Variants in MYLK4 observed in about 807,000 individuals in gnomAD.
MYLK4 encodes the protein caMLCK like.
Under a neutral mutation model 48.1 loss-of-function variants are expected in MYLK4, and 46 were observed. That is an observed-to-expected ratio of 0.96 (90% confidence interval 0.75 to 1.22). MYLK4 has a LOEUF of 1.22. Ranked by LOEUF, MYLK4 falls within the 50% of genes most tolerant of loss-of-function variation. The pLI is 0.00. For synonymous variants in MYLK4, 170 were observed against 180.8 expected (o/e 0.94, Z 0.48); for missense variants, 451 against 486.1 (o/e 0.93, Z 0.68).
At chr6:2,743,754 TTAC>T (rs556264653) in intron 2 of MYLK4, 321 of 394,846 alleles carry the variant, frequency 8.1e-4, no homozygotes, top group African/African-American at 6.1e-3. Context: ...GCCACTATTA[TTAC>T]CTCAACTGCC....
chr6:2,755,767 T>C (rs1042197708), upstream of MYLK4, among the ~76,000 whole-genome samples: 3 of 152,192 alleles, frequency 2.0e-5, no homozygotes, highest in Admixed American at 6.5e-5. Flanking sequence ...TAATCCTTCA[T>C]GACATTGATA....
intron 7 of MYLK4, 144 bp from the exon 8 acceptor site, chr6:2,680,435 T>G (rs1356148700): frequency 1.1e-5 from 16 of 1,507,166 alleles, no homozygotes; most frequent in African/African-American, 1.4e-5. Context: ...GTGTGGGTAC[T>G]TTCTCCTTTA....
chr6:2,765,206 C>CCCCCCCCCCCCCCCCCCCCCCCCCCG, the MYLK4 span, among the ~76,000 whole-genome samples: 1 of 86,184 alleles, frequency 1.2e-5, no homozygotes, highest in African/African-American at 3.1e-5. Context: ...CCCTCCCCCG[C>CCCCCCCCCCCCCCCCCCCCCCCCCCG]CCCCGCAAAG....
At chr6:2,763,450 T>C in the MYLK4 span, among the ~76,000 whole-genome samples, 22 of 152,196 alleles carry the variant, frequency 1.4e-4, 1 homozygote, top group Middle Eastern at 6.3e-3. Context: ...GGCTCAGGCA[T>C]GGCAGGCCTG....
At chr6:2,760,310 G>A in the MYLK4 span, among the ~76,000 whole-genome samples, 2 of 152,202 alleles carry the variant, frequency 1.3e-5, no homozygotes, top group Admixed American at 1.3e-4. Flanking sequence ...AGGGGCAGGA[G>A]GGTCCCAGAC....
At chr6:2,705,760 T>C (rs924329403) in intron 2 of MYLK4, among the ~76,000 whole-genome samples, 2 of 152,196 alleles carry the variant, frequency 1.3e-5, no homozygotes, top group Non-Finnish European at 2.9e-5. Context: ...ATTACGGGAA[T>C]GGAAGGAGTT....
intron 10 of MYLK4, 138 bp downstream of exon 10, chr6:2,678,082 C>G: frequency 9.0e-7 from 1 of 1,110,628 alleles, no homozygotes; most frequent in South Asian, 1.6e-5. Flanking sequence ...GGTCAAGAGG[C>G]TCAAACCTCA....
At chr6:2,759,191 C>T in the MYLK4 span, among the ~76,000 whole-genome samples, 1 of 152,228 alleles carries the variant, frequency 6.6e-6, no homozygotes, top group Non-Finnish European at 1.5e-5. Flanking sequence ...TTATAGCTCA[C>T]TGTGGCCTTG....
intron 8 of MYLK4, chr6:2,679,620 C>A: frequency 1.5e-6 from 1 of 666,420 alleles, no homozygotes; most frequent in South Asian, 1.7e-5. Flanking sequence ...ACTAGGAAAC[C>A]TTAAAAGCTG....
intron 2 of MYLK4, among the ~76,000 whole-genome samples, chr6:2,705,501 T>G (rs12386538): frequency 0.032 from 4,932 of 152,306 alleles, 273 homozygotes; most frequent in African/African-American, 0.11. Context: ...TCCATGGCAA[T>G]GAGCCTGTGT....
At position 2,714,002 on chromosome 6, in the gene MYLK4, G is replaced by A. The variant is rs547554078; in HGVS notation, c.160-21143C>T. Among the ~76,000 whole-genome samples the A allele has an allele frequency of 4.5e-4, 68 of 152,316 alleles. 1 individual carries two copies. Among genetic ancestry groups the A allele is most frequent in the African/African-American group, 1.6e-3 (68 of 41,568 alleles). Reference sequence around the variant, plus strand: ...TCTACTGACAAAGAAAATAGCAAGCGTTGGCAAGGATGTGGAAAAATGGGA... The same window carrying A: ...TCTACTGACAAAGAAAATAGCAAGCATTGGCAAGGATGTGGAAAAATGGGA... On this transcript the variant is annotated intron_variant, in intron 2 of 12. Coordinates refer to ENST00000274643, the MANE Select transcript of MYLK4 (RefSeq NM_001012418.5).
At position 2,678,829 on chromosome 6, in the gene MYLK4, G is replaced by A. The variant is rs140742622; in HGVS notation, c.887+451C>T. 4.7e-3 allele frequency among the ~76,000 whole-genome samples: 702 copies of A among 150,178 alleles called. 4 individuals carry two copies. Among genetic ancestry groups the A allele is most frequent in the African/African-American group, 0.016 (657 of 40,862 alleles). On this transcript the variant is annotated intron_variant, in intron 9 of 12. Transcript: ENST00000274643. ...GGAAGCAATTCTCCTGCAGCCTCCC[G>A]AGTAGCTGGGATTACAGGTGCATGC...
chr6:2,674,087 T>C (rs1760996839), intron 11 of MYLK4, among the ~76,000 whole-genome samples: 1 of 152,162 alleles, frequency 6.6e-6, no homozygotes. Flanking sequence ...GATGGACATA[T>C]GGATCTGCAG....
At chr6:2,728,265 G>A (rs1022527840) in intron 2 of MYLK4, among the ~76,000 whole-genome samples, 1 of 152,186 alleles carries the variant, frequency 6.6e-6, no homozygotes, top group African/African-American at 2.4e-5. Flanking sequence ...TTTGTCTTTA[G>A]GTGTTTTTCG....
the MYLK4 span, among the ~76,000 whole-genome samples, chr6:2,766,932 CTGG>C: frequency 6.6e-6 from 1 of 152,134 alleles, no homozygotes; most frequent in African/African-American, 2.4e-5. Flanking sequence ...GTTTAACAGA[CTGG>C]TATTTATTCT....
intron 2 of MYLK4, among the ~76,000 whole-genome samples, chr6:2,714,624 A>G (rs1383501278): frequency 6.6e-6 from 1 of 152,236 alleles, no homozygotes. Flanking sequence ...ATCCATGAGA[A>G]CTGAAAGCAA....
chr6:2,734,246 C>A (rs537606437), intron 2 of MYLK4, among the ~76,000 whole-genome samples: 1 of 152,210 alleles, frequency 6.6e-6, no homozygotes, highest in South Asian at 2.1e-4. Flanking sequence ...ATGCGGCTTT[C>A]GCTAAACCAT....
At chr6:2,700,423 G>A (rs1762241557) in intron 2 of MYLK4, among the ~76,000 whole-genome samples, 1 of 152,172 alleles carries the variant, frequency 6.6e-6, no homozygotes. Flanking sequence ...CACTTCCTCT[G>A]TCGCCTCCGG....
chr6:2,746,730 G>A (rs1033047507), intron 2 of MYLK4, among the ~76,000 whole-genome samples: 1 of 152,226 alleles, frequency 6.6e-6, no homozygotes, highest in African/African-American at 2.4e-5. Flanking sequence ...AATAGGTGGA[G>A]AAAATCGACA....
Sources: gnomAD v4.1 joint callset for allele counts (sites outside exome capture counted in the v4.1 genomes callset) on GRCh38, gnomAD v4.1.1 for gene constraint, MANE v1.5 for transcripts, NCBI Gene and HGNC (gene_info 2026-07-23, HGNC 2026-07-21) for gene names.